The following ADGRV1 variants were observed in gnomAD, a reference collection of about 807,000 sequenced individuals.
ADGRV1 encodes adhesion G protein-coupled receptor V1.
ADGRV1 carries 359 observed loss-of-function variants against 596.2 expected under a neutral mutation model. The observed-to-expected ratio is 0.60, with a 90% CI of 0.55 to 0.66. ADGRV1 has a LOEUF of 0.66. ADGRV1 is among the 30% of genes least tolerant of loss of function. The probability of loss-of-function intolerance (pLI) is 0.00; values close to 1 mark genes in which losing one functional copy is unlikely to be tolerated. For missense variants in ADGRV1, 7,274 were observed against 7,575.6 expected (o/e 0.96, Z 1.48); for synonymous variants, 2,681 against 2,679.2 (o/e 1.00, Z -0.02).
At chr5:90,649,982 A>G (rs916016476) in intron 17 of ADGRV1, among the ~76,000 whole-genome samples, 4 of 152,202 alleles carry the variant, frequency 2.6e-5, no homozygotes, top group African/African-American at 9.6e-5. Flanking sequence ...TCCAGAAATG[A>G]TGACATTTGA....
chr5:90,877,645 A>T (rs1561884727), intron 83 of ADGRV1, among the ~76,000 whole-genome samples: 1 of 151,208 alleles, frequency 6.6e-6, no homozygotes, highest in Non-Finnish European at 1.5e-5. Flanking sequence ...ATAATTCCTC[A>T]TAACATCCTC....
intron 83 of ADGRV1, among the ~76,000 whole-genome samples, chr5:90,902,058 G>C (rs1771898311): frequency 6.6e-6 from 1 of 152,062 alleles, no homozygotes; most frequent in East Asian, 1.9e-4. Context: ...AGGTTGCCCT[G>C]TATTTTGAAG....
chr5:91,147,258 T>G (rs1310275327), intron 87 of ADGRV1, among the ~76,000 whole-genome samples: 1 of 151,998 alleles, frequency 6.6e-6, no homozygotes, highest in African/African-American at 2.4e-5. Flanking sequence ...TTTGTGACAT[T>G]CAAAATTTGC....
Position 90,681,348 on chromosome 5 carries a change from C to T in ADGRV1, c.5558C>T (p.Thr1853Ile). 6.2e-7 allele frequency: 1 copy of T among 1,613,760 alleles called. No homozygotes were observed. The highest frequency in any genetic ancestry group is 1.1e-5 in the South Asian group (1 of 91,080). ...SLGVASQILV[T>I]IAASDHAHGV... Reference sequence around the variant, plus strand: ...GGAGTGGCTTCCCAAATTCTAGTGACAATTGCAGCCTCTGACCACGCTCAT... The same window carrying T: ...GGAGTGGCTTCCCAAATTCTAGTGATAATTGCAGCCTCTGACCACGCTCAT... Residue 1853 changes from threonine (T) to isoleucine (I), a missense_variant, in exon 27 of 90, where the codon ACA (threonine) becomes ATA (isoleucine). Transcript: ENST00000405460.
chr5:90,609,132 A>G (rs1762444133), intron 1 of ADGRV1, among the ~76,000 whole-genome samples: 1 of 152,078 alleles, frequency 6.6e-6, no homozygotes, highest in South Asian at 2.1e-4. Context: ...ATTTCTGTAT[A>G]TATGTACACA....
intron 59 of ADGRV1, among the ~76,000 whole-genome samples, chr5:90,768,522 T>G (rs1269991898): frequency 6.6e-6 from 1 of 152,174 alleles, no homozygotes; most frequent in Admixed American, 6.5e-5. Context: ...ATACCTACGG[T>G]ACATCCCAGG....
In ADGRV1 at chr5:90,561,028, C is replaced by A. The variant is rs546784106; in HGVS notation, c.22+2111C>A. On this transcript the variant is annotated intron_variant, in intron 1 of 89. Coordinates refer to ENST00000405460, the MANE Select transcript of ADGRV1 (RefSeq NM_032119.4). Reference sequence around the variant, plus strand: ...CTTTTGTTCATATCCTATGATGAATCATAATAGTATGTCACATTTATTGAA... The same window carrying A: ...CTTTTGTTCATATCCTATGATGAATAATAATAGTATGTCACATTTATTGAA... Among the ~76,000 whole-genome samples the A allele has an allele frequency of 4.6e-4, 70 of 152,170 alleles. 1 individual carries two copies. Among genetic ancestry groups the A allele is most frequent in the Non-Finnish European group, 8.8e-4 (60 of 67,962 alleles).
intron 43 of ADGRV1, among the ~76,000 whole-genome samples, chr5:90,719,232 G>A (rs561747725): frequency 6.6e-6 from 1 of 152,202 alleles, no homozygotes; most frequent in East Asian, 1.9e-4. Context: ...GGCTGAGGCA[G>A]GAGAATAACT....
intron 82 of ADGRV1, among the ~76,000 whole-genome samples, chr5:90,857,130 T>A (rs1215272169): frequency 1.3e-5 from 2 of 152,146 alleles, no homozygotes; most frequent in African/African-American, 4.8e-5. Flanking sequence ...ATTCTTAATA[T>A]CTTTCATAAA....
chr5:91,086,803 C>T (rs1345894123), intron 86 of ADGRV1, among the ~76,000 whole-genome samples: 1 of 152,182 alleles, frequency 6.6e-6, no homozygotes, highest in Non-Finnish European at 1.5e-5. Context: ...AGCATTCTCT[C>T]CACCAACCTA....
chr5:91,064,929 G>A lies in ADGRV1; in HGVS notation c.18153-7518G>A, dbSNP rs1298630639. Among the ~76,000 whole-genome samples, 6 of 152,196 alleles carry A rather than the reference G, an allele frequency of 3.9e-5. No individual in the cohort carries two copies. In the South Asian group the frequency reaches 1.2e-3, roughly 32 times the overall value. On this transcript the variant is annotated intron_variant, in intron 85 of 89. Coordinates refer to ENST00000405460, the MANE Select transcript of ADGRV1 (RefSeq NM_032119.4). ...AATTCACAGGCGAATAAAAATGTATGTTAAATAAGAGCGTTATCTTTGGAA... is the reference window on the plus strand; with the variant it reads ...AATTCACAGGCGAATAAAAATGTATATTAAATAAGAGCGTTATCTTTGGAA...
At chr5:90,809,416 A>G (rs774846952) in intron 73 of ADGRV1, among the ~76,000 whole-genome samples, 9 of 152,086 alleles carry the variant, frequency 5.9e-5, no homozygotes, top group East Asian at 1.9e-4. Flanking sequence ...TCATAGATAG[A>G]TTATGCGATA....
At position 90,712,341 on chromosome 5, in the gene ADGRV1, G is replaced by T; in HGVS notation, c.9097G>T (p.Asp3033Tyr). ...RYKNVNIMILDDDIPEGDEKF... is the reference protein window; with the variant it reads ...RYKNVNIMILYDDIPEGDEKF... ...TAAAAATGTCAATATCATGATTCTT[G>T]ATGATGACATTCCAGAAGGAGATGA... The change falls in exon 42 of 90, where the codon GAT (aspartate) becomes TAT (tyrosine). Residue 3033 changes from aspartate to tyrosine, a missense_variant. By Grantham distance (160) the Asp-to-Tyr change is radical (BLOSUM62 -3). Coordinates refer to ENST00000405460, the MANE Select transcript of ADGRV1 (RefSeq NM_032119.4). 1 of 1,563,768 alleles carries T rather than the reference G, an allele frequency of 6.4e-7. No homozygotes were observed. The highest frequency in any genetic ancestry group is 1.2e-5 in the South Asian group (1 of 85,484).
intron 14 of ADGRV1, 126 bp downstream of exon 14, chr5:90,644,109 C>G: frequency 1.5e-6 from 1 of 663,966 alleles, no homozygotes; most frequent in Non-Finnish European, 2.4e-6. Flanking sequence ...ACACATAGTG[C>G]GGAAGTTTTT....
chr5:90,778,452 A>G lies in ADGRV1; in HGVS notation c.12692A>G (p.Glu4231Gly). ...IQALNDDIPE[E>G]KSFYEFQLTA... ...GCTTTGAACGATGACATTCCCGAGG[A>G]AAAAAGCTTCTATGAGTTTCAGCTC... Residue 4231 changes from glutamate to glycine, a missense_variant, in exon 63 of 90, where the codon GAA (glutamate) becomes GGA (glycine). Glu to Gly is a moderately conservative substitution (Grantham distance 98, BLOSUM62 -2). This residue lies in a region of ADGRV1 where 3,643 missense variants were observed against 3,809.2 expected (regional missense o/e 0.96). Coordinates refer to ENST00000405460, the MANE Select transcript of ADGRV1 (RefSeq NM_032119.4). The G allele has an allele frequency of 6.2e-7, 1 of 1,612,668 alleles. No individual in the cohort carries two copies. Among genetic ancestry groups the G allele is most frequent in the Non-Finnish European group, 8.5e-7 (1 of 1,179,278 alleles).
At chr5:90,766,648 T>C (rs573597928) in intron 59 of ADGRV1, among the ~76,000 whole-genome samples, 5 of 152,156 alleles carry the variant, frequency 3.3e-5, no homozygotes, top group Non-Finnish European at 7.4e-5. Flanking sequence ...TGATAAGAAG[T>C]GAAGGCGCAA....
At chr5:90,950,896 T>C (rs1453688230) in intron 83 of ADGRV1, among the ~76,000 whole-genome samples, 1 of 148,764 alleles carries the variant, frequency 6.7e-6, no homozygotes, top group Non-Finnish European at 1.5e-5. Context: ...TCTTTCTTCC[T>C]ATGGATGATA....
chr5:90,672,185 T>G (rs2149537161), intron 21 of ADGRV1, among the ~76,000 whole-genome samples: 1 of 152,362 alleles, frequency 6.6e-6, no homozygotes, highest in Non-Finnish European at 1.5e-5. Context: ...TGTCTTTCTC[T>G]TTAGAATTCT....
chr5:90,876,129 A>G (rs770660230), intron 83 of ADGRV1, among the ~76,000 whole-genome samples: 2 of 152,184 alleles, frequency 1.3e-5, no homozygotes, highest in Non-Finnish European at 2.9e-5. Flanking sequence ...CCACACTCCA[A>G]AAGCCTTTTA....
Sources: allele counts gnomAD v4.1 joint callset (sites outside exome capture counted in the v4.1 genomes callset), GRCh38; gene constraint gnomAD v4.1.1; regional missense constraint gnomAD v4.1.1; transcripts MANE v1.5; gene names NCBI Gene and HGNC (gene_info 2026-07-23, HGNC 2026-07-21).